The following COL25A1 variants were observed in gnomAD, a reference collection of about 807,000 sequenced individuals.
The protein encoded by COL25A1 is collagen alpha-1(XXV) chain.
COL25A1 carries 103 observed loss-of-function variants against 128.4 expected under a neutral mutation model. The ratio of observed to expected loss-of-function variants is 0.80; its 90% CI spans 0.68 to 0.94. COL25A1 has a LOEUF of 0.94. Ranked by LOEUF, COL25A1 falls within the 40% of genes least tolerant of loss-of-function variation. The pLI, the probability that COL25A1 is intolerant of heterozygous loss-of-function variation, is 0.00. For missense variants in COL25A1, 745 were observed against 840.0 expected, an observed-to-expected ratio of 0.89 and a Z score of 1.40; for synonymous variants, 279 against 277.2, an observed-to-expected ratio of 1.01 and a Z score of -0.06.
At chr4:109,185,634 C>A (rs1775063934) in intron 3 of COL25A1, among the ~76,000 whole-genome samples, 1 of 152,158 alleles carries the variant, frequency 6.6e-6, no homozygotes, top group East Asian at 1.9e-4. Context: ...ATCCCTAACC[C>A]CCAGTGTGGC....
intron 15 of COL25A1, among the ~76,000 whole-genome samples, chr4:108,897,423 T>C (rs1578694670): frequency 6.6e-6 from 1 of 152,336 alleles, no homozygotes; most frequent in Non-Finnish European, 1.5e-5. Flanking sequence ...TTATCTTCCT[T>C]AAATTCTGAA....
intron 19 of COL25A1, 71 bp from the exon 20 acceptor site, chr4:108,869,221 T>TAAATAAATAAAA (rs1260885586): frequency 2.0e-5 from 6 of 302,756 alleles, no homozygotes; most frequent in African/African-American, 1.5e-4. Flanking sequence ...AATAAATAAA[T>TAAATAAATAAAA]AAAAACTAAA....
intron 3 of COL25A1, among the ~76,000 whole-genome samples, chr4:109,174,803 A>G (rs1270864616): frequency 1.3e-5 from 2 of 152,224 alleles, no homozygotes; most frequent in Non-Finnish European, 2.9e-5. Context: ...CTTATAGACT[A>G]GGGGTCCTCA....
intron 6 of COL25A1, among the ~76,000 whole-genome samples, chr4:109,000,962 AAAG>A (rs1264222738): frequency 6.6e-6 from 1 of 152,012 alleles, no homozygotes; most frequent in African/African-American, 2.4e-5. Context: ...GCAAAAAGAA[AAAG>A]AAGATTTGAA....
intron 3 of COL25A1, 79 bp from the exon 4 acceptor site, chr4:109,050,258 T>C (rs1863292): frequency 2.8e-6 from 3 of 1,061,100 alleles, no homozygotes; most frequent in African/African-American, 3.3e-5. Flanking sequence ...ATAATTTATA[T>C]ATATTTTCTC....
chr4:109,090,549 T>C (rs546912617), intron 3 of COL25A1, among the ~76,000 whole-genome samples: 83 of 152,306 alleles, frequency 5.4e-4, no homozygotes, highest in African/African-American at 1.9e-3. Flanking sequence ...GAACTAAACA[T>C]ACTGCTTGCA....
At chr4:109,050,317 GTCAGTATTGTCTTTAGTGTT>G in intron 3 of COL25A1, 138 bp from the exon 4 acceptor site, 1 of 617,848 alleles carries the variant, frequency 1.6e-6, no homozygotes, top group Non-Finnish European at 2.8e-6. Context: ...ATTTGTAAAG[GTCAGTATTGTCTTTAGTGTT>G]TCAGCAAAAC....
At chr4:109,253,859 G>A (rs1314916199) in intron 3 of COL25A1, among the ~76,000 whole-genome samples, 17 of 152,050 alleles carry the variant, frequency 1.1e-4, no homozygotes, top group African/African-American at 1.9e-4. Context: ...AGGCCAAGGC[G>A]GGCGGATCAC....
chr4:109,234,947 A>C (rs1779374640), intron 3 of COL25A1, among the ~76,000 whole-genome samples: 1 of 152,238 alleles, frequency 6.6e-6, no homozygotes, highest in African/African-American at 2.4e-5. Context: ...ATTGTACGCA[A>C]ATCTGTGATT....
chr4:109,060,382 T>C (rs1761852243), intron 3 of COL25A1, among the ~76,000 whole-genome samples: 1 of 152,178 alleles, frequency 6.6e-6, no homozygotes, highest in African/African-American at 2.4e-5. Flanking sequence ...AATTCTTCCA[T>C]GGCCCCCTTG....
At chr4:108,998,647 G>C (rs1755026530) in intron 6 of COL25A1, among the ~76,000 whole-genome samples, 2 of 152,078 alleles carry the variant, frequency 1.3e-5, no homozygotes, top group Admixed American at 1.3e-4. Flanking sequence ...AAAAAGGCCT[G>C]CATAGCCAAG....
intron 3 of COL25A1, among the ~76,000 whole-genome samples, chr4:109,256,441 A>G (rs1424454057): frequency 6.6e-6 from 1 of 152,172 alleles, no homozygotes; most frequent in Non-Finnish European, 1.5e-5. Flanking sequence ...TAACGCAGCC[A>G]TTTCACATGA....
intron 31 of COL25A1, chr4:108,838,198 C>A (rs1734025296): frequency 1.3e-6 from 2 of 1,541,070 alleles, no homozygotes; most frequent in Non-Finnish European, 1.8e-6. Flanking sequence ...AAAGCAAATG[C>A]CAATTTTGGT....
intron 6 of COL25A1, among the ~76,000 whole-genome samples, chr4:108,975,567 C>A (rs191033412): frequency 1.3e-5 from 2 of 152,232 alleles, no homozygotes; most frequent in African/African-American, 2.4e-5. Context: ...TACATATGTT[C>A]GGTTTTAGTA....
intron 3 of COL25A1, among the ~76,000 whole-genome samples, chr4:109,243,610 A>G (rs548146452): frequency 2.0e-5 from 3 of 152,154 alleles, no homozygotes; most frequent in East Asian, 1.9e-4. Flanking sequence ...CATTCTTAAC[A>G]TGTTTGATCA....
At chr4:109,102,003 G>T (rs1035916718) in intron 3 of COL25A1, among the ~76,000 whole-genome samples, 2 of 152,110 alleles carry the variant, frequency 1.3e-5, no homozygotes, top group African/African-American at 2.4e-5. Context: ...GTATGTTTCT[G>T]TGATATTTTG....
chr4:108,899,558 C>T (rs1742575007), intron 14 of COL25A1, among the ~76,000 whole-genome samples: 1 of 152,084 alleles, frequency 6.6e-6, no homozygotes, highest in Non-Finnish European at 1.5e-5. Flanking sequence ...GGTGGACTAG[C>T]ATGTTTTTCT....
At chr4:109,298,498 T>G (rs1310199351) in intron 3 of COL25A1, among the ~76,000 whole-genome samples, 1 of 152,166 alleles carries the variant, frequency 6.6e-6, no homozygotes, top group East Asian at 1.9e-4. Flanking sequence ...TACAAACAGA[T>G]GTCTAGGTGA....
chr4:108,819,250 A>T lies in COL25A1; in HGVS notation c.1923+2T>A. On this transcript the variant is annotated splice_donor_variant, in intron 36 of 37. Transcript: ENST00000399132. LOFTEE classifies it high-confidence loss of function. ...GGGTGGTAGGAAAGAGAAATACTGT[A>T]CCAATTGGCAAGGGGCATCCAGCCC... 6.2e-7 allele frequency: 1 copy of T among 1,603,508 alleles called. No homozygotes were observed. Among genetic ancestry groups the T allele is most frequent in the Non-Finnish European group, 8.5e-7 (1 of 1,175,012 alleles).
Sources: gnomAD v4.1 joint callset for allele counts (sites outside exome capture counted in the v4.1 genomes callset) on GRCh38, gnomAD v4.1.1 for gene constraint, MANE v1.5 for transcripts, NCBI Gene and HGNC (gene_info 2026-07-23, HGNC 2026-07-21) for gene names.